Variants in TBC1D8B observed in about 807,000 individuals in gnomAD.
TBC1D8B encodes TBC1 domain family member 8B.
Under a neutral mutation model 82.9 loss-of-function variants are expected in TBC1D8B, and 75 were observed. The ratio of observed to expected loss-of-function variants is 0.90; its 90% CI spans 0.75 to 1.10. The LOEUF (loss-of-function observed/expected upper bound fraction) is 1.10. Among genes scored for constraint, TBC1D8B ranks in the 50% least tolerant of loss-of-function variants. The pLI is 0.00. For synonymous variants in TBC1D8B, 276 were observed against 276.8 expected, an observed-to-expected ratio of 1.00 and a Z score of 0.03; for missense variants, 794 against 796.9, an observed-to-expected ratio of 1.00 and a Z score of 0.04.
chrX:106,806,094 C>A (rs1294036456), intron 1 of TBC1D8B, among the ~76,000 whole-genome samples: 2 of 111,761 alleles, frequency 1.8e-5, no homozygotes, highest in South Asian at 3.7e-4. Flanking sequence ...CCATTTTTTT[C>A]TAATAATGGA....
intron 10 of TBC1D8B, among the ~76,000 whole-genome samples, chrX:106,846,477 C>T (rs756057463): frequency 2.2e-3 from 244 of 109,473 alleles, no homozygotes; most frequent in African/African-American, 7.9e-3. Flanking sequence ...TAAAATGCCA[C>T]AGAGCTTACT....
intron 13 of TBC1D8B, 45 bp from the exon 14 acceptor site, chrX:106,854,153 A>G: frequency 1.2e-6 from 1 of 869,367 alleles, no homozygotes; most frequent in Non-Finnish European, 1.6e-6. Flanking sequence ...GAAAAAGTGG[A>G]TGTTTATTAT....
rs2340507 is a variant in TBC1D8B at position 106,849,251 on chromosome X, A to G, written c.1838-774A>G. 14 of 887,780 alleles carry G rather than the reference A, an allele frequency of 1.6e-5. No individual in the cohort carries two copies. The highest frequency in any genetic ancestry group is 8.7e-4 in the Middle Eastern group (2 of 2,296). The allele number at this position is 887,780 out of a possible 1,213,427, so 73.2% of individuals were successfully genotyped here. A position where few individuals can be genotyped will look rare whatever the true frequency, so the allele number is the denominator to read the frequency against. On this transcript the variant is annotated intron_variant, in intron 11 of 20. Transcript: ENST00000357242. ...TTTTTTTTTTTTTTTTTAGGTTCAG[A>G]TGATTTTATGCCACTAGTAAGAATC... is the stretch of plus-strand genomic sequence containing the variant.
At chrX:106,870,151 A>T (rs1222349429) in intron 19 of TBC1D8B, among the ~76,000 whole-genome samples, 2 of 111,264 alleles carry the variant, frequency 1.8e-5, no homozygotes, top group African/African-American at 6.5e-5. Flanking sequence ...CTGCCTCAGC[A>T]TCCCGAGTAG....
chrX:106,874,031 G>A lies in TBC1D8B; in HGVS notation c.*66G>A, dbSNP rs750245501. ...TCCTGTAGCTGTCAGTTTGATTCCT[G>A]TGAGTAGGGCTCAGGGATTTATCTT... is the stretch of plus-strand genomic sequence containing the variant. On this transcript the variant is annotated 3_prime_UTR_variant, in exon 21 of 21. Transcript: ENST00000357242. 146 of 1,086,794 alleles carry A rather than the reference G, an allele frequency of 1.3e-4. No individual in the cohort carries two copies. Among genetic ancestry groups the A allele is most frequent in the Non-Finnish European group, 1.7e-4 (142 of 816,737 alleles). 89.6% of individuals were successfully genotyped at this position (1,086,794 alleles called of 1,213,427 possible). A position where few individuals can be genotyped will look rare whatever the true frequency, so the allele number is the denominator to read the frequency against.
intron 7 of TBC1D8B, among the ~76,000 whole-genome samples, chrX:106,830,556 C>T (rs1932009649): frequency 9.0e-6 from 1 of 110,766 alleles, no homozygotes; most frequent in South Asian, 3.9e-4. Context: ...AAATGTCCAA[C>T]AATGATAGAC....
rs1199929019 is a variant in TBC1D8B, at chrX:106,859,410, T to A, written c.2352+5114T>A. Among the ~76,000 whole-genome samples the A allele has an allele frequency of 3.6e-5, 4 of 111,787 alleles. No homozygotes were observed. In the East Asian group the frequency reaches 1.1e-3, roughly 31 times the overall value. ...GAGAAATGTTTTGTAATCCCCATTG[T>A]AGAGACCTTTCACCTCCATAGTTAG... is the stretch of plus-strand genomic sequence containing the variant. On this transcript the variant is annotated intron_variant, in intron 14 of 20. Transcript: ENST00000357242.
rs1431870278 is a variant in TBC1D8B, at chrX:106,822,165, C to T, written c.549C>T (p.Asn183=). The T allele has an allele frequency of 4.1e-6, 5 of 1,206,259 alleles. No homozygotes were observed. The highest frequency in any genetic ancestry group is 2.2e-5 in the Admixed American group (1 of 45,040). ...AGGGTTGGCTTTATCTTAGCACCAA[C>T]TTTCTGAGCTTCTATTCTTTTTTGT... ...PCQGWLYLST[N]FLSFYSFLLG... The change falls in exon 4 of 21, where the codon AAC becomes AAT. Residue 183 remains asparagine (N), a synonymous_variant. Coordinates refer to ENST00000357242, the MANE Select transcript of TBC1D8B (RefSeq NM_017752.3).
rs1298547132 is a variant in TBC1D8B at position 106,866,196 on chromosome X, T to A, written c.2662+163T>A. Among the ~76,000 whole-genome samples the A allele has an allele frequency of 3.6e-5, 4 of 111,725 alleles. No individual in the cohort carries two copies. In the Admixed American group the frequency reaches 3.8e-4, roughly 11 times the overall value. The stretch of plus-strand genomic sequence containing the variant: ...CATTTGTTGCTAAATCTAAGTATTT[T>A]GATATTATTTTCCCCAACCCTTTCA... On this transcript the variant is annotated intron_variant, in intron 16 of 20. Coordinates refer to ENST00000357242, the MANE Select transcript of TBC1D8B (RefSeq NM_017752.3).
chrX:106,845,310 T>A (rs367720744), intron 10 of TBC1D8B, among the ~76,000 whole-genome samples: 20 of 111,267 alleles, frequency 1.8e-4, no homozygotes, highest in East Asian at 2.8e-4. Flanking sequence ...GTCTTTTTTT[T>A]AATTATATTT....
In TBC1D8B at chrX:106,865,825, G is replaced by A. The variant is rs760518359; in HGVS notation, c.2454G>A (p.Leu818=). Residue 818 remains leucine (L), a synonymous_variant, in exon 16 of 21, where the codon TTG becomes TTA. Coordinates refer to ENST00000357242, the MANE Select transcript of TBC1D8B (RefSeq NM_017752.3). ...KELFLSCYWC[L]GCPVLKHHDP... ...TGTTTTTATCTTGTTATTGGTGTTT[G>A]GGTTGCCCAGTATTGAAGCATCATG... is the stretch of plus-strand genomic sequence containing the variant. The A allele has an allele frequency of 8.3e-7, 1 of 1,206,844 alleles. No individual in the cohort carries two copies. Among genetic ancestry groups the A allele is most frequent in the Non-Finnish European group, 1.1e-6 (1 of 892,980 alleles).
chrX:106,824,418 C>T (rs1931780957), intron 5 of TBC1D8B, among the ~76,000 whole-genome samples: 3 of 111,060 alleles, frequency 2.7e-5, no homozygotes, highest in Non-Finnish European at 5.7e-5. Flanking sequence ...AATTGATATA[C>T]ATGAGGATTT....
intron 2 of TBC1D8B, 35 bp downstream of exon 2, chrX:106,818,808 A>G (rs1931615053): frequency 9.6e-7 from 1 of 1,044,513 alleles, no homozygotes; most frequent in African/African-American, 1.9e-5. Context: ...TTCAAATTAA[A>G]TAAGGGTACT....
chrX:106,807,949 A>G (rs1479385278), intron 1 of TBC1D8B, among the ~76,000 whole-genome samples: 1 of 110,390 alleles, frequency 9.1e-6, no homozygotes, highest in Non-Finnish European at 1.9e-5. Flanking sequence ...GCTACTGATG[A>G]GGCTAAGGCA....
intron 5 of TBC1D8B, among the ~76,000 whole-genome samples, chrX:106,823,774 C>T (rs992378230): frequency 1.8e-5 from 2 of 111,832 alleles, no homozygotes; most frequent in South Asian, 3.8e-4. Context: ...GTTAGTCTAA[C>T]TCTAAATTTC....
chrX:106,809,234 G>GA (rs1035373551), intron 1 of TBC1D8B, among the ~76,000 whole-genome samples: 26 of 110,942 alleles, frequency 2.3e-4, no homozygotes, highest in African/African-American at 6.9e-4. Context: ...ATAAAGCAAT[G>GA]AAAAAAAACA....
At chrX:106,841,816 A>G (rs1266856872) in intron 10 of TBC1D8B, among the ~76,000 whole-genome samples, 1 of 111,820 alleles carries the variant, frequency 8.9e-6, no homozygotes, top group Non-Finnish European at 1.9e-5. Context: ...TTTCATCACC[A>G]TTAGCACTCA....
In TBC1D8B at chrX:106,848,292, G is replaced by A. The variant is rs752833105; in HGVS notation, c.1826G>A (p.Arg609His). The A allele has an allele frequency of 3.4e-6, 4 of 1,177,456 alleles. No homozygotes were observed. The highest frequency in any genetic ancestry group is 3.0e-5 in the East Asian group (1 of 33,320). The change falls in exon 11 of 21, where the codon CGT becomes CAT. Residue 609 changes from arginine to histidine, a missense_variant. Arg to His is a conservative substitution (Grantham distance 29, BLOSUM62 0). Coordinates refer to ENST00000357242, the MANE Select transcript of TBC1D8B (RefSeq NM_017752.3). ...CERMLPDYFN[R>H]RIIGALVDQA... ...CGAATGTTGCCTGATTATTTTAATCGTCGAATTATTGGTAAAAGAAAAACC... is the reference window on the plus strand; with the variant it reads ...CGAATGTTGCCTGATTATTTTAATCATCGAATTATTGGTAAAAGAAAAACC...
rs1028287936 is a variant in TBC1D8B, at chrX:106,855,208, G to T, written c.2352+912G>T. Among the ~76,000 whole-genome samples, 5 of 112,202 alleles carry T rather than the reference G, an allele frequency of 4.5e-5. No individual in the cohort carries two copies. In the Admixed American group the frequency reaches 4.7e-4, roughly 11 times the overall value. Reference sequence around the variant, plus strand: ...AGATTAATGTTTCTGAAGATTCCAGGTTTAGATTTCAATTGAATAATTCAG... The same window carrying T: ...AGATTAATGTTTCTGAAGATTCCAGTTTTAGATTTCAATTGAATAATTCAG... On this transcript the variant is annotated intron_variant, in intron 14 of 20. Coordinates refer to ENST00000357242, the MANE Select transcript of TBC1D8B (RefSeq NM_017752.3).
Sources: allele counts gnomAD v4.1 joint callset (sites outside exome capture counted in the v4.1 genomes callset), GRCh38; gene constraint gnomAD v4.1.1; transcripts MANE v1.5; gene names NCBI Gene and HGNC (gene_info 2026-07-23, HGNC 2026-07-21).